Variants in PSAT1 observed in about 807,000 individuals in gnomAD.
PSAT1 encodes phosphoserine aminotransferase.
A neutral mutation model predicts 40.3 loss-of-function variants in PSAT1; 41 were observed. The observed-to-expected ratio is 1.02, with a 90% CI of 0.79 to 1.32. The LOEUF (loss-of-function observed/expected upper bound fraction) is 1.32. Among genes scored for constraint, PSAT1 ranks in the 40% most tolerant of loss-of-function variants. PSAT1 has a pLI of 0.00. For missense variants in PSAT1, 406 were observed against 455.8 expected, an observed-to-expected ratio of 0.89 and a Z score of 0.99; for synonymous variants, 147 against 170.5, an observed-to-expected ratio of 0.86 and a Z score of 1.07.
At chr9:78,302,733 C>CAAAAAAAA (rs373285782) in intron 3 of PSAT1, among the ~76,000 whole-genome samples, 2 of 104,244 alleles carry the variant, frequency 1.9e-5, no homozygotes, top group African/African-American at 4.0e-5. Flanking sequence ...GACTCCGTCT[C>CAAAAAAAA]AAAAAAAAAA....
At chr9:78,298,184 T>G in intron 1 of PSAT1, 7 of 286,568 alleles carry the variant, frequency 2.4e-5, no homozygotes, top group Non-Finnish European at 3.5e-5. Flanking sequence ...AAACCCACCG[T>G]CCCCAGCCCC....
At chr9:78,309,051 C>T (rs766350389) in intron 6 of PSAT1, among the ~76,000 whole-genome samples, 6 of 152,204 alleles carry the variant, frequency 3.9e-5, no homozygotes, top group Non-Finnish European at 8.8e-5. Flanking sequence ...CCCCAGATAT[C>T]CTATCAGATT....
rs747143175 is a variant in PSAT1 at position 78,297,206 on chromosome 9, G to T, written c.-5G>T. ...TGGCTGACTCACCGCCCTGGCCGCC[G>T]CACCATGGACGCCCCCAGGCAGGTG... is the stretch of plus-strand genomic sequence containing the variant. On this transcript the variant is annotated 5_prime_UTR_variant, in exon 1 of 9. Coordinates refer to ENST00000376588, the MANE Select transcript of PSAT1 (RefSeq NM_058179.4). 3 of 1,598,016 alleles carry T rather than the reference G, an allele frequency of 1.9e-6. No homozygotes were observed. The highest frequency in any genetic ancestry group is 2.2e-5 in the East Asian group (1 of 44,470).
In PSAT1 at chr9:78,304,979, A is replaced by G. The variant is rs375583536; in HGVS notation, c.397+39A>G. On this transcript the variant is annotated intron_variant, in intron 4 of 8. Transcript: ENST00000376588. ...GCTGAGCTGGGTGGTGACGTGCTCA[A>G]TGGTGGGTTACCCCGACCCAGGGCA... is the stretch of plus-strand genomic sequence containing the variant. The G allele has an allele frequency of 2.1e-5, 34 of 1,587,652 alleles. No homozygotes were observed. The African/African-American group carries it at 4.2e-4, about 19-fold the overall frequency.
At position 78,297,235 on chromosome 9, in the gene PSAT1, A is replaced by G; in HGVS notation, c.25A>G (p.Asn9Asp). Residue 9 changes from asparagine to aspartate, a missense_variant, in exon 1 of 9, where the codon AAC becomes GAC. By Grantham distance (23) the Asn-to-Asp change is conservative. Transcript: ENST00000376588. ...CATGGACGCCCCCAGGCAGGTGGTC[A>G]ACTTTGGGCCTGGTCCCGCCAAGCT... MDAPRQVV[N>D]FGPGPAKLPH... 2.5e-6 allele frequency: 4 copies of G among 1,602,684 alleles called. No homozygotes were observed. Among genetic ancestry groups the G allele is most frequent in the Non-Finnish European group, 3.4e-6 (4 of 1,178,564 alleles).
intron 7 of PSAT1, among the ~76,000 whole-genome samples, chr9:78,319,506 A>G (rs1828396686): frequency 6.6e-6 from 1 of 152,240 alleles, no homozygotes; most frequent in Non-Finnish European, 1.5e-5. Context: ...CTGGGGGCTC[A>G]GTGCTGGGGA....
At chr9:78,328,222 G>A in intron 8 of PSAT1, 34 bp downstream of exon 8, 1 of 1,613,656 alleles carries the variant, frequency 6.2e-7, no homozygotes, top group Non-Finnish European at 8.5e-7. Flanking sequence ...GCTTGGCAAA[G>A]AATTAGCTTA....
rs183294886 is a variant in PSAT1, at chr9:78,304,595, G to A, written c.192-140G>A. The A allele has an allele frequency of 2.4e-3, 1,998 of 816,992 alleles. 10 individuals are homozygous for A. Among genetic ancestry groups the A allele is most frequent in the Non-Finnish European group, 2.2e-3 (1,033 of 480,352 alleles). 50.6% of individuals were successfully genotyped at this position (816,992 alleles called of 1,614,324 possible). Reference sequence around the variant, plus strand: ...TGCATAAATAAATGAGTGAATTAGGGAAGACAAAGTAGTATTGTAACATTA... The same window carrying A: ...TGCATAAATAAATGAGTGAATTAGGAAAGACAAAGTAGTATTGTAACATTA... On this transcript the variant is annotated intron_variant, in intron 3 of 8. Transcript: ENST00000376588.
At chr9:78,327,491 G>C (rs1162033450) in intron 7 of PSAT1, among the ~76,000 whole-genome samples, 2 of 152,168 alleles carry the variant, frequency 1.3e-5, no homozygotes, top group Admixed American at 1.3e-4. Context: ...TGAGGTGGTT[G>C]AGGTAGGTTC....
At chr9:78,318,623 A>G (rs1169022377) in intron 7 of PSAT1, among the ~76,000 whole-genome samples, 9 of 152,174 alleles carry the variant, frequency 5.9e-5, no homozygotes, top group Non-Finnish European at 1.3e-4. Flanking sequence ...CAGCCTCCAC[A>G]TCTGTCTTCA....
intron 6 of PSAT1, 148 bp from the exon 7 acceptor site, chr9:78,317,528 G>A: frequency 9.9e-7 from 1 of 1,008,946 alleles, no homozygotes; most frequent in Non-Finnish European, 1.5e-6. Flanking sequence ...TGGGATTACG[G>A]GCGTGAGCCA....
At chr9:78,313,423 G>C (rs192570592) in intron 6 of PSAT1, among the ~76,000 whole-genome samples, 1 of 151,978 alleles carries the variant, frequency 6.6e-6, no homozygotes, top group Non-Finnish European at 1.5e-5. Flanking sequence ...AGACTTGCAG[G>C]TGGGCAGAGT....
intron 6 of PSAT1, among the ~76,000 whole-genome samples, chr9:78,316,799 A>AC (rs1479579448): frequency 1.3e-5 from 2 of 151,974 alleles, no homozygotes; most frequent in Non-Finnish European, 2.9e-5. Context: ...CGTCCTTTTA[A>AC]CCCCTCGGCC....
In PSAT1 at chr9:78,318,300, G is replaced by C. The variant is rs545893721; in HGVS notation, c.869+496G>C. On this transcript the variant is annotated intron_variant, in intron 7 of 8. Coordinates refer to ENST00000376588, the MANE Select transcript of PSAT1 (RefSeq NM_058179.4). ...ATCCCAGAGTCTGTGAATGGAATTGGCTTTGGCATGGGCTGACTCCAGTTT... is the reference window on the plus strand; with the variant it reads ...ATCCCAGAGTCTGTGAATGGAATTGCCTTTGGCATGGGCTGACTCCAGTTT... 6.4e-4 allele frequency among the ~76,000 whole-genome samples: 97 copies of C among 152,242 alleles called. 1 individual carries two copies. The highest frequency in any genetic ancestry group is 5.9e-5 in the Non-Finnish European group (4 of 68,020).
Position 78,325,516 on chromosome 9 carries a change from C to G in PSAT1, c.870-2535C>G, listed in dbSNP as rs150364337. 7.5e-3 allele frequency among the ~76,000 whole-genome samples: 1,144 copies of G among 152,352 alleles called. 15 individuals are homozygous for G. Among genetic ancestry groups the G allele is most frequent in the Middle Eastern group, 0.031 (9 of 294 alleles). On this transcript the variant is annotated intron_variant, in intron 7 of 8. Transcript: ENST00000376588. Reference sequence around the variant, plus strand: ...GGAAGCCTTTGTGCCTTTGCAGATGCAGCTGTCTGCCAGATGCCCTTTCTT... The same window carrying G: ...GGAAGCCTTTGTGCCTTTGCAGATGGAGCTGTCTGCCAGATGCCCTTTCTT...
At chr9:78,299,171 AAT>A (rs1452636023) in intron 1 of PSAT1, among the ~76,000 whole-genome samples, 1 of 139,790 alleles carries the variant, frequency 7.2e-6, no homozygotes, top group African/African-American at 2.6e-5. Flanking sequence ...AAAAAAAAAA[AAT>A]TGGTTATGAT....
intron 6 of PSAT1, among the ~76,000 whole-genome samples, chr9:78,315,831 T>G (rs997459158): frequency 6.6e-6 from 1 of 152,202 alleles, no homozygotes; most frequent in Non-Finnish European, 1.5e-5. Flanking sequence ...GTTAGAGCAT[T>G]TTCCAGACCC....
At chr9:78,314,176 A>G (rs1391334876) in intron 6 of PSAT1, among the ~76,000 whole-genome samples, 1 of 147,490 alleles carries the variant, frequency 6.8e-6, no homozygotes, top group African/African-American at 2.5e-5. Context: ...TTTAGACGGT[A>G]TGGGAGTTGA....
chr9:78,312,393 C>T (rs1828280825), intron 6 of PSAT1, among the ~76,000 whole-genome samples: 2 of 152,144 alleles, frequency 1.3e-5, no homozygotes, highest in South Asian at 4.1e-4. Context: ...TCTTAGGCCA[C>T]CTGTTAAAAG....
Sources: allele counts gnomAD v4.1 joint callset (sites outside exome capture counted in the v4.1 genomes callset), GRCh38; gene constraint gnomAD v4.1.1; transcripts MANE v1.5; gene names NCBI Gene and HGNC (gene_info 2026-07-23, HGNC 2026-07-21).